The following COBL variants were observed in gnomAD, a reference collection of about 807,000 sequenced individuals.
COBL encodes the protein cordon-bleu WH2 repeat protein.
COBL carries 51 observed loss-of-function variants against 98.8 expected under a neutral mutation model. The observed-to-expected ratio is 0.52, with a 90% CI of 0.41 to 0.65. The LOEUF (loss-of-function observed/expected upper bound fraction) is 0.65. Among genes scored for constraint, COBL ranks in the 30% least tolerant of loss-of-function variants. The pLI, the probability that COBL is intolerant of heterozygous loss-of-function variation, is 0.00. For missense variants in COBL, 1,617 were observed against 1,617.5 expected (o/e 1.00, Z 0.01); for synonymous variants, 634 against 651.7 (o/e 0.97, Z 0.41).
chr7:51,037,871 G>T (rs1788791823), intron 8 of COBL, among the ~76,000 whole-genome samples: 1 of 152,270 alleles, frequency 6.6e-6, no homozygotes, highest in Middle Eastern at 3.4e-3. Context: ...TATTTTTTGA[G>T]ATGGAGTTTT....
chr7:51,212,979 G>C (rs1237032567), intron 2 of COBL, among the ~76,000 whole-genome samples: 1 of 152,224 alleles, frequency 6.6e-6, no homozygotes, highest in African/African-American at 2.4e-5. Flanking sequence ...GTAACTCAGT[G>C]CCAAGTTTAC....
intron 6 of COBL, among the ~76,000 whole-genome samples, chr7:51,128,551 G>C (rs1448282864): frequency 6.6e-6 from 1 of 152,212 alleles, no homozygotes; most frequent in Non-Finnish European, 1.5e-5. Flanking sequence ...AGCAGGTGCT[G>C]AAGAATCCTC....
At chr7:51,040,996 C>T (rs1203538068) in intron 8 of COBL, among the ~76,000 whole-genome samples, 1 of 152,116 alleles carries the variant, frequency 6.6e-6, no homozygotes, top group East Asian at 1.9e-4. Flanking sequence ...CTGTGCAATC[C>T]CCATGCAAAC....
chr7:51,194,994 T>C (rs1790457727), intron 2 of COBL, among the ~76,000 whole-genome samples: 1 of 152,220 alleles, frequency 6.6e-6, no homozygotes, highest in Non-Finnish European at 1.5e-5. Flanking sequence ...GATAGTTTCT[T>C]TTGCTGTGCA....
intron 1 of COBL, among the ~76,000 whole-genome samples, chr7:51,303,454 C>A (rs1802176901): frequency 6.6e-6 from 1 of 152,134 alleles, no homozygotes; most frequent in Non-Finnish European, 1.5e-5. Context: ...GCAGAGACGG[C>A]CACTGGAGGT....
At chr7:51,223,794 T>C (rs1793896823) in intron 1 of COBL, among the ~76,000 whole-genome samples, 1 of 152,178 alleles carries the variant, frequency 6.6e-6, no homozygotes, top group South Asian at 2.1e-4. Flanking sequence ...TTGGGGAGCT[T>C]AAAATATGCC....
At chr7:51,018,904 AAATATATATATATATATATATAT>A (rs1786597913) in intron 12 of COBL, among the ~76,000 whole-genome samples, 2 of 54,678 alleles carry the variant, frequency 3.7e-5, no homozygotes, top group African/African-American at 1.7e-4. Flanking sequence ...AAAAAAAAAA[AAATATATATATATATATATATAT>A]ATATATATAT....
intron 1 of COBL, among the ~76,000 whole-genome samples, chr7:51,310,051 C>A (rs1266425833): frequency 6.6e-6 from 1 of 152,208 alleles, no homozygotes; most frequent in East Asian, 1.9e-4. Flanking sequence ...CGGTGGCAAA[C>A]AAAGAGTGGC....
intron 2 of COBL, among the ~76,000 whole-genome samples, chr7:51,217,340 C>CTTTTTTTTTTTTTTTTTTTTTT (rs937958755): frequency 3.9e-5 from 5 of 127,734 alleles, no homozygotes; most frequent in South Asian, 2.5e-4. Flanking sequence ...TTTTCTTTTT[C>CTTTTTTTTTTTTTTTTTTTTTT]TTTTTTTTTT....
At chr7:51,165,075 GGAGA>G (rs1184796466) in intron 5 of COBL, among the ~76,000 whole-genome samples, 12 of 151,584 alleles carry the variant, frequency 7.9e-5, no homozygotes, top group African/African-American at 2.9e-4. Context: ...AGGGAGGGAG[GGAGA>G]GAGGACCAGA....
intron 1 of COBL, among the ~76,000 whole-genome samples, chr7:51,265,189 C>T (rs1028657632): frequency 6.6e-6 from 1 of 152,254 alleles, no homozygotes; most frequent in South Asian, 2.1e-4. Context: ...CAACCGCGTG[C>T]TCATCTGTTT....
At chr7:51,138,607 G>A (rs1033512425) in intron 5 of COBL, among the ~76,000 whole-genome samples, 1 of 152,198 alleles carries the variant, frequency 6.6e-6, no homozygotes, top group Non-Finnish European at 1.5e-5. Flanking sequence ...CTTCCACACT[G>A]TTCTGTTTCC....
At chr7:51,279,569 G>A (rs997071712) in intron 1 of COBL, among the ~76,000 whole-genome samples, 7 of 152,056 alleles carry the variant, frequency 4.6e-5, no homozygotes, top group Admixed American at 3.3e-4. Flanking sequence ...GAGCCTCCCC[G>A]ACAACCCACG....
At chr7:51,096,577 T>A (rs975528022) in intron 6 of COBL, among the ~76,000 whole-genome samples, 5 of 151,974 alleles carry the variant, frequency 3.3e-5, no homozygotes, top group African/African-American at 9.7e-5. Context: ...TTCAGTTTTT[T>A]TAAAAGATCA....
chr7:51,176,012 TA>T (rs1486641458), intron 5 of COBL, among the ~76,000 whole-genome samples: 2 of 152,204 alleles, frequency 1.3e-5, no homozygotes, highest in African/African-American at 4.8e-5. Context: ...CTGGACCTTG[TA>T]TACAGACGGT....
At position 51,265,183 on chromosome 7, in the gene COBL, C is replaced by T. The variant is rs539810475; in HGVS notation, c.42-45239G>A. Among the ~76,000 whole-genome samples, 25 of 152,320 alleles carry T rather than the reference C, an allele frequency of 1.6e-4. No homozygotes were observed. The South Asian group carries it at 2.3e-3, about 14-fold the overall frequency. On this transcript the variant is annotated intron_variant, in intron 1 of 12. Transcript: ENST00000265136. ...TGTGTGTTCCCAGTCCTTTAACAAC[C>T]GCGTGCTCATCTGTTTCAGCCTCAC...
chr7:51,199,397 C>T (rs554716338), intron 2 of COBL, among the ~76,000 whole-genome samples: 5 of 152,246 alleles, frequency 3.3e-5, no homozygotes, highest in Admixed American at 6.5e-5. Flanking sequence ...GACACACACA[C>T]GTTTACATGG....
intron 5 of COBL, among the ~76,000 whole-genome samples, chr7:51,175,490 A>G (rs528982672): frequency 1.3e-5 from 2 of 152,324 alleles, no homozygotes; most frequent in African/African-American, 4.8e-5. Context: ...AAATGTTAAC[A>G]TGCATTGTAT....
chr7:51,308,268 C>T (rs1320813144), intron 1 of COBL, among the ~76,000 whole-genome samples: 1 of 152,222 alleles, frequency 6.6e-6, no homozygotes, highest in African/African-American at 2.4e-5. Context: ...ACTTCGGCTG[C>T]ATTAACACTC....
Sources: allele counts gnomAD v4.1 joint callset (sites outside exome capture counted in the v4.1 genomes callset), GRCh38; gene constraint gnomAD v4.1.1; transcripts MANE v1.5; gene names NCBI Gene and HGNC (gene_info 2026-07-23, HGNC 2026-07-21).